The following ZNF48 variants were observed in gnomAD, a reference collection of about 807,000 sequenced individuals.
The protein encoded by ZNF48 is zinc finger protein 48.
Under a neutral mutation model 40.0 loss-of-function variants are expected in ZNF48, and 20 were observed. That is an observed-to-expected ratio of 0.50 (90% CI 0.35 to 0.73). The LOEUF (loss-of-function observed/expected upper bound fraction) is 0.73, where lower values mean the gene tolerates loss of function less well. Among genes scored for constraint, ZNF48 ranks in the 30% least tolerant of loss-of-function variants. ZNF48 has a pLI of 0.01. For missense variants in ZNF48, 726 were observed against 851.9 expected (o/e 0.85, Z 1.84); for synonymous variants, 298 against 329.7 (o/e 0.90, Z 1.04).
Position 30,395,702 on chromosome 16 carries a change from C to A in ZNF48, c.-15-78C>A, listed in dbSNP as rs2049976934. ...GACGCCGCCCGGTGCCCGCGCTGGC[C>A]GGCAGAGGGCAGCGGCAGGGCGCCG... On this transcript the variant is annotated intron_variant, in intron 1 of 2. Coordinates refer to ENST00000613509, the MANE Select transcript of ZNF48 (RefSeq NM_001214909.2). The surrounding 1 kb of genome is among the most constrained non-coding windows in gnomAD (Gnocchi z 5.9). The A allele has an allele frequency of 1.7e-6, 2 of 1,188,932 alleles. No homozygotes were observed. The highest frequency in any genetic ancestry group is 3.6e-5 in the South Asian group (1 of 28,058). 73.6% of individuals were successfully genotyped at this position (1,188,932 alleles called of 1,614,324 possible). A position where few individuals can be genotyped will look rare whatever the true frequency, so the allele number is the denominator to read the frequency against.
In ZNF48 at chr16:30,381,099, G is replaced by C; in HGVS notation, c.-16+2689G>C. ...GAAATCAGGTTTGGCTTCACATGGG[G>C]TCAAAGGTCAGAGGTCATCACTCAC... On this transcript the variant is annotated intron_variant, in intron 1 of 2. Coordinates refer to the ZNF48 transcript ENST00000528032. This position sits in a 1 kb window ranked among gnomAD's most constrained non-coding sequence, Gnocchi z 4.3. The C allele has an allele frequency of 6.4e-7, 1 of 1,565,222 alleles. No homozygotes were observed. Among genetic ancestry groups the C allele is most frequent in the South Asian group, 1.1e-5 (1 of 90,104 alleles).
intron 1 of ZNF48, among the ~76,000 whole-genome samples, chr16:30,388,352 G>A (rs1469919451): frequency 6.6e-6 from 1 of 151,894 alleles, no homozygotes; most frequent in Non-Finnish European, 1.5e-5. Flanking sequence ...GTTTTAGCTG[G>A]GACTACAGGT....
chr16:30,396,567 C>G (rs1235438401), intron 2 of ZNF48, among the ~76,000 whole-genome samples: 2 of 151,862 alleles, frequency 1.3e-5, no homozygotes, highest in Non-Finnish European at 2.9e-5. Flanking sequence ...ACCGAATGGG[C>G]TAATATAATA....
At chr16:30,389,189 C>G (rs1000416774) in intron 1 of ZNF48, among the ~76,000 whole-genome samples, 9 of 150,718 alleles carry the variant, frequency 6.0e-5, no homozygotes, top group Non-Finnish European at 1.2e-4. Context: ...GTCAGGAGAT[C>G]GAGATCATCC....
Position 30,381,138 on chromosome 16 carries a change from G to T in ZNF48, c.-16+2728G>T. The T allele has an allele frequency of 6.2e-7, 1 of 1,613,644 alleles. No homozygotes were observed. ...GTCATCACTCACACCTTCTGCTTGA[G>T]GGCCTGGGTTTCCTGGGGCATCAGA... On this transcript the variant is annotated intron_variant, in intron 1 of 2. Transcript: ENST00000528032. The surrounding 1 kb of genome is among the most constrained non-coding windows in gnomAD (Gnocchi z 4.3).
At chr16:30,385,858 G>A (rs1463615773) in intron 1 of ZNF48, among the ~76,000 whole-genome samples, 1 of 152,084 alleles carries the variant, frequency 6.6e-6, no homozygotes, top group Non-Finnish European at 1.5e-5. Context: ...GGGCGTGGTG[G>A]TTCACGCCTG....
In ZNF48 at chr16:30,381,533, C is replaced by T. The variant is rs530861493; in HGVS notation, c.-16+3123C>T. On this transcript the variant is annotated intron_variant, in intron 1 of 2. Transcript: ENST00000528032. The surrounding 1 kb of genome is among the most constrained non-coding windows in gnomAD (Gnocchi z 4.3). ...AAAGGCCAGAGGGCAGGGGGCAAGGCTAGCCAGGACTGTGGGAGTAGAATG... is the reference window on the plus strand; with the variant it reads ...AAAGGCCAGAGGGCAGGGGGCAAGGTTAGCCAGGACTGTGGGAGTAGAATG... The T allele has an allele frequency of 1.5e-3, 2,446 of 1,590,572 alleles. 2 individuals are homozygous for T. The highest frequency in any genetic ancestry group is 2.0e-3 in the Non-Finnish European group (2,360 of 1,160,962).
At position 30,381,658 on chromosome 16, in the gene ZNF48, A is replaced by T; in HGVS notation, c.-16+3248A>T. ...GACCCAGTGGCCCTCTGAAACAGAC[A>T]CCACCTTTTGAGATAGGGAGCCAGC... is the stretch of plus-strand genomic sequence containing the variant. On this transcript the variant is annotated intron_variant, in intron 1 of 2. Coordinates refer to the ZNF48 transcript ENST00000528032. The surrounding 1 kb of genome is among the most constrained non-coding windows in gnomAD (Gnocchi z 4.3). The T allele has an allele frequency of 6.5e-7, 1 of 1,544,972 alleles. No homozygotes were observed. Among genetic ancestry groups the T allele is most frequent in the Non-Finnish European group, 8.8e-7 (1 of 1,141,896 alleles).
upstream of ZNF48, among the ~76,000 whole-genome samples, chr16:30,392,595 G>A (rs1161241227): frequency 2.6e-5 from 4 of 152,286 alleles, no homozygotes; most frequent in South Asian, 8.3e-4. Context: ...CTTTTGCTAA[G>A]TGCTTTACAC....
rs146684514 is a variant in ZNF48, at chr16:30,397,576, A to T, written c.326A>T (p.Asp109Val). ...CCACGCTGGGGCCAGGCTAGTAGTGATCGGGCCGCTGTGTGTGGTGAGTGT... is the reference window on the plus strand; with the variant it reads ...CCACGCTGGGGCCAGGCTAGTAGTGTTCGGGCCGCTGTGTGTGGTGAGTGT... Reference protein sequence around the residue: ...GEPRWGQASSDRAAVCGECGK... With the variant: ...GEPRWGQASSVRAAVCGECGK... Residue 109 changes from aspartate (D) to valine (V), a missense_variant, in exon 3 of 3, where the codon GAT becomes GTT. Physicochemically the swap from Asp to Val is radical, Grantham distance 152 (BLOSUM62 -3). Coordinates refer to ENST00000613509, the MANE Select transcript of ZNF48 (RefSeq NM_001214909.2). This position sits in a 1 kb window ranked among gnomAD's most constrained non-coding sequence, Gnocchi z 4.1. 137 of 1,614,082 alleles carry T rather than the reference A, an allele frequency of 8.5e-5. No homozygotes were observed. In the African/African-American group the frequency reaches 1.7e-3, roughly 20 times the overall value.
chr16:30,395,653 G>C lies in ZNF48; in HGVS notation c.-16+75G>C. 2 of 662,682 alleles carry C rather than the reference G, an allele frequency of 3.0e-6. No homozygotes were observed. Among genetic ancestry groups the C allele is most frequent in the Non-Finnish European group, 4.1e-6 (2 of 493,766 alleles). The allele number at this position is 662,682 out of a possible 1,614,324, so 41.1% of individuals were successfully genotyped here. On this transcript the variant is annotated intron_variant, in intron 1 of 2. Coordinates refer to ENST00000613509, the MANE Select transcript of ZNF48 (RefSeq NM_001214909.2). The surrounding 1 kb of genome is among the most constrained non-coding windows in gnomAD (Gnocchi z 5.9). The stretch of plus-strand genomic sequence containing the variant: ...CGGCGGCGCGGGCAGGGGGCACCGG[G>C]AGCCGCGCCCGTACCTGGGACCCGA...
In ZNF48 at chr16:30,382,045, A is replaced by G; in HGVS notation, c.-16+3635A>G. 6.3e-7 allele frequency: 1 copy of G among 1,587,570 alleles called. No individual in the cohort carries two copies. The highest frequency in any genetic ancestry group is 8.6e-7 in the Non-Finnish European group (1 of 1,164,208). On this transcript the variant is annotated intron_variant, in intron 1 of 2. Coordinates refer to the ZNF48 transcript ENST00000528032. The surrounding 1 kb of genome is among the most constrained non-coding windows in gnomAD (Gnocchi z 4.8). ...CCCCAGATGGAAAAGACTAGGGTGT[A>G]ACCTGGGGACAGGGGCTACTGCCTC...
Position 30,398,552 on chromosome 16 carries a change from G to T in ZNF48, c.1302G>T (p.Gly434=), listed in dbSNP as rs1238527133. ...FGLPGLEPEP[G]GPQAGEPPPP... is the part of the protein sequence containing the mutation. ...TGCCTGGCTTGGAGCCAGAGCCTGGGGGCCCACAGGCTGGGGAGCCACCCC... is the reference window on the plus strand; with the variant it reads ...TGCCTGGCTTGGAGCCAGAGCCTGGTGGCCCACAGGCTGGGGAGCCACCCC... Residue 434 remains glycine, a synonymous_variant, in exon 3 of 3, where the codon GGG becomes GGT. Transcript: ENST00000613509. The surrounding 1 kb of genome is among the most constrained non-coding windows in gnomAD (Gnocchi z 6.6). The T allele has an allele frequency of 6.2e-7, 1 of 1,609,776 alleles. No homozygotes were observed. Among genetic ancestry groups the T allele is most frequent in the East Asian group, 2.2e-5 (1 of 44,842 alleles).
intron 1 of ZNF48, chr16:30,379,985 CG>C: frequency 6.2e-7 from 1 of 1,610,890 alleles, no homozygotes; most frequent in East Asian, 2.2e-5. Flanking sequence ...GAGTCACATT[CG>C]GGGAACTGGT....
rs547179538 is a variant in ZNF48, at chr16:30,395,636, C to T, written c.-16+58C>T. On this transcript the variant is annotated intron_variant, in intron 1 of 2. Coordinates refer to ENST00000613509, the MANE Select transcript of ZNF48 (RefSeq NM_001214909.2). The surrounding 1 kb of genome is among the most constrained non-coding windows in gnomAD (Gnocchi z 5.9). The stretch of plus-strand genomic sequence containing the variant: ...GCAGGTGCAGGGGCGGCCGGCGGCG[C>T]GGGCAGGGGGCACCGGGAGCCGCGC... 9.9e-3 allele frequency: 4,424 copies of T among 444,846 alleles called. 27 individuals are homozygous for T. The highest frequency in any genetic ancestry group is 0.012 in the Non-Finnish European group (3,662 of 306,438). 27.6% of individuals were successfully genotyped at this position (444,846 alleles called of 1,614,324 possible). A position where few individuals can be genotyped will look rare whatever the true frequency, so the allele number is the denominator to read the frequency against.
upstream of ZNF48, among the ~76,000 whole-genome samples, chr16:30,391,095 G>T (rs1255620934): frequency 1.3e-5 from 2 of 152,056 alleles, no homozygotes; most frequent in African/African-American, 4.8e-5. Context: ...GTAAACTCAC[G>T]GCACATTAAA....
chr16:30,387,738 T>C (rs956714467), intron 1 of ZNF48, among the ~76,000 whole-genome samples: 4 of 151,480 alleles, frequency 2.6e-5, no homozygotes, highest in Non-Finnish European at 5.9e-5. Flanking sequence ...TTTGTATTTT[T>C]AGTAGAGACA....
At chr16:30,379,449 C>T in intron 1 of ZNF48, 1 of 1,613,910 alleles carries the variant, frequency 6.2e-7, no homozygotes, top group Non-Finnish European at 8.5e-7. Context: ...CACGGTCCCC[C>T]AGGAGTAGCG....
chr16:30,379,364 T>C, intron 1 of ZNF48: 1 of 1,469,670 alleles, frequency 6.8e-7, no homozygotes, highest in Non-Finnish European at 9.5e-7. Context: ...CAACTTCACA[T>C]GTTGAGTGCG....
Sources: allele counts gnomAD v4.1 joint callset (sites outside exome capture counted in the v4.1 genomes callset), GRCh38; gene constraint gnomAD v4.1.1; non-coding constraint Gnocchi (gnomAD v3.1); transcripts MANE v1.5; gene names NCBI Gene and HGNC (gene_info 2026-07-23, HGNC 2026-07-21).